RNF17: variants seen among roughly 807,000 people sequenced by gnomAD.
The protein encoded by RNF17 is ring finger protein 17.
RNF17 carries 31 observed loss-of-function variants against 200.5 expected under a neutral mutation model. That is an observed-to-expected ratio of 0.15 (90% confidence interval 0.12 to 0.21). The LOEUF (loss-of-function observed/expected upper bound fraction) is 0.21, where lower values mean the gene tolerates loss of function less well. Among genes scored for constraint, RNF17 ranks in the 10% least tolerant of loss-of-function variants. The pLI, the probability that RNF17 is intolerant of heterozygous loss-of-function variation, is 1.00. For synonymous variants in RNF17, 606 were observed against 637.8 expected (o/e 0.95, Z 0.75); for missense variants, 1,628 against 1,905.1 (o/e 0.85, Z 2.71).
At chr13:24,792,144 T>G (rs1436917471) in intron 9 of RNF17, among the ~76,000 whole-genome samples, 1 of 152,188 alleles carries the variant, frequency 6.6e-6, no homozygotes, top group African/African-American at 2.4e-5. Flanking sequence ...TTTCACAACT[T>G]GAATATGGTT....
In RNF17 at chr13:24,864,064, C is replaced by T. The variant is rs544210238; in HGVS notation, c.3976-809C>T. Among the ~76,000 whole-genome samples, 9 of 152,202 alleles carry T rather than the reference C, an allele frequency of 5.9e-5. No individual in the cohort carries two copies. In the South Asian group the frequency reaches 1.9e-3, roughly 32 times the overall value. On this transcript the variant is annotated intron_variant, in intron 28 of 35. Coordinates refer to ENST00000255324, the MANE Select transcript of RNF17 (RefSeq NM_031277.3). ...AGTATTAGATTAGATAAGAGAGAGG[C>T]TGATAGGAATGGCATGGCCAGGGAG... is the stretch of plus-strand genomic sequence containing the variant.
At chr13:24,824,647 A>G (rs1888434744) in intron 15 of RNF17, among the ~76,000 whole-genome samples, 1 of 152,222 alleles carries the variant, frequency 6.6e-6, no homozygotes, top group Non-Finnish European at 1.5e-5. Context: ...TAAAGAATGC[A>G]ATCATTCCAC....
At chr13:24,748,755 T>G in the RNF17 span, among the ~76,000 whole-genome samples, 2 of 151,126 alleles carry the variant, frequency 1.3e-5, no homozygotes, top group African/African-American at 4.9e-5. Flanking sequence ...TGTTTTTTGT[T>G]TTTTTTTTGA....
At chr13:24,817,485 G>A (rs375356444) in intron 15 of RNF17, among the ~76,000 whole-genome samples, 3 of 152,064 alleles carry the variant, frequency 2.0e-5, no homozygotes, top group East Asian at 1.9e-4. Context: ...TTGGAAGGCC[G>A]AGCCAGGTGG....
At chr13:24,776,730 G>A (rs191171401) in intron 3 of RNF17, among the ~76,000 whole-genome samples, 18 of 152,336 alleles carry the variant, frequency 1.2e-4, no homozygotes, top group South Asian at 4.1e-4. Context: ...GAGGTTTGCG[G>A]TAGATGACGA....
At chr13:24,831,248 G>A (rs372396216) in intron 17 of RNF17, among the ~76,000 whole-genome samples, 30 of 152,214 alleles carry the variant, frequency 2.0e-4, no homozygotes, top group African/African-American at 7.0e-4. Flanking sequence ...AGACCAGCCT[G>A]GCTAACATGA....
intron 32 of RNF17, among the ~76,000 whole-genome samples, chr13:24,871,236 A>G (rs1022053944): frequency 2.6e-5 from 4 of 152,204 alleles, no homozygotes; most frequent in African/African-American, 9.7e-5. Flanking sequence ...AGGAAAATGT[A>G]TCTAGTTATT....
chr13:24,793,773 A>G (rs535132243), intron 10 of RNF17, among the ~76,000 whole-genome samples: 1 of 150,482 alleles, frequency 6.6e-6, no homozygotes, highest in South Asian at 2.1e-4. Flanking sequence ...TATGACATTT[A>G]AATGTATCAC....
chr13:24,761,618 A>G (rs1878747045), upstream of RNF17, among the ~76,000 whole-genome samples: 1 of 152,220 alleles, frequency 6.6e-6, no homozygotes, highest in African/African-American at 2.4e-5. Flanking sequence ...ACTGGTAGAG[A>G]GGCAGGCAGA....
intron 30 of RNF17, among the ~76,000 whole-genome samples, chr13:24,867,759 G>A (rs543829203): frequency 2.0e-5 from 3 of 152,292 alleles, no homozygotes; most frequent in South Asian, 4.1e-4. Flanking sequence ...GCTGGGTGCC[G>A]TGATCTTCCT....
intron 11 of RNF17, among the ~76,000 whole-genome samples, chr13:24,798,755 GC>G (rs1884898971): frequency 8.2e-6 from 1 of 121,514 alleles, no homozygotes; most frequent in Non-Finnish European, 1.8e-5. Context: ...TCACCTGTGG[GC>G]CTTTTTTTTT....
intron 18 of RNF17, among the ~76,000 whole-genome samples, 153 bp downstream of exon 18, chr13:24,832,131 C>A (rs1889481103): frequency 6.6e-6 from 1 of 152,130 alleles, no homozygotes; most frequent in Admixed American, 6.5e-5. Context: ...GGAATTATAT[C>A]TTTTATGGAC....
chr13:24,836,766 G>A (rs572861799), intron 18 of RNF17, among the ~76,000 whole-genome samples: 1 of 151,816 alleles, frequency 6.6e-6, no homozygotes, highest in Non-Finnish European at 1.5e-5. Flanking sequence ...TCTCTTCAGA[G>A]CATAAATCAC....
chr13:24,817,764 C>T (rs1887575691), intron 15 of RNF17, among the ~76,000 whole-genome samples: 1 of 151,420 alleles, frequency 6.6e-6, no homozygotes, highest in South Asian at 2.1e-4. Flanking sequence ...GTATTGTCTG[C>T]ACTTTTATTT....
At position 24,879,730 on chromosome 13, in the gene RNF17, T is replaced by A. The variant is rs1369187304; in HGVS notation, c.*11-7T>A. ...AAAGGTTTAAAATAACACATTTTATTTTTCAGGTATACAGTGAGAGCATCT... is the reference window on the plus strand; with the variant it reads ...AAAGGTTTAAAATAACACATTTTATATTTCAGGTATACAGTGAGAGCATCT... On this transcript the variant is annotated splice_polypyrimidine_tract_variant and splice_region_variant and intron_variant, in intron 35 of 35. Coordinates refer to ENST00000255324, the MANE Select transcript of RNF17 (RefSeq NM_031277.3). The A allele has an allele frequency of 6.5e-6, 1 of 154,554 alleles. No individual in the cohort carries two copies. 9.6% of individuals were successfully genotyped at this position (154,554 alleles called of 1,614,324 possible).
At chr13:24,783,956 TATAAG>T (rs1882768483) in intron 6 of RNF17, among the ~76,000 whole-genome samples, 1 of 152,200 alleles carries the variant, frequency 6.6e-6, no homozygotes, top group South Asian at 2.1e-4. Flanking sequence ...TGCCTAATGT[TATAAG>T]AAAAGCTTTC....
intron 15 of RNF17, among the ~76,000 whole-genome samples, chr13:24,818,059 A>T (rs1887605313): frequency 6.6e-6 from 1 of 152,088 alleles, no homozygotes; most frequent in African/African-American, 2.4e-5. Flanking sequence ...GTTTTATTGC[A>T]TCTCATGAGT....
At chr13:24,845,382 A>C (rs1034342664) in intron 22 of RNF17, among the ~76,000 whole-genome samples, 1 of 152,234 alleles carries the variant, frequency 6.6e-6, no homozygotes, top group Non-Finnish European at 1.5e-5. Flanking sequence ...AAAAATATGT[A>C]AATTACCAAA....
chr13:24,802,073 G>C (rs1050570388), intron 13 of RNF17, among the ~76,000 whole-genome samples: 15 of 152,008 alleles, frequency 9.9e-5, no homozygotes, highest in Admixed American at 9.2e-4. Context: ...TGCAACCTCT[G>C]CCTCCCGGGT....
Sources: gnomAD v4.1 joint callset for allele counts (sites outside exome capture counted in the v4.1 genomes callset) on GRCh38, gnomAD v4.1.1 for gene constraint, MANE v1.5 for transcripts, NCBI Gene and HGNC (gene_info 2026-07-23, HGNC 2026-07-21) for gene names.